The following ETV6 variants were observed in gnomAD, a reference collection of about 807,000 sequenced individuals.
ETV6 encodes ETS variant transcription factor 6.
Under a neutral mutation model 51.1 loss-of-function variants are expected in ETV6, and 16 were observed. That is an observed-to-expected ratio of 0.31 (90% CI 0.21 to 0.48). The LOEUF (loss-of-function observed/expected upper bound fraction) is 0.48, where lower values mean the gene tolerates loss of function less well. Ranked by LOEUF, ETV6 falls within the 20% of genes least tolerant of loss-of-function variation. The pLI is 0.99. For missense variants in ETV6, 458 were observed against 594.8 expected (o/e 0.77, Z 2.39); for synonymous variants, 240 against 224.1 (o/e 1.07, Z -0.64).
At chr12:11,791,385 T>C (rs1036826294) in intron 2 of ETV6, among the ~76,000 whole-genome samples, 2 of 152,212 alleles carry the variant, frequency 1.3e-5, no homozygotes, top group Admixed American at 6.5e-5. Context: ...CATAGGGATG[T>C]TGTCCAAAAT....
At chr12:11,666,543 T>G (rs746996860) in intron 1 of ETV6, among the ~76,000 whole-genome samples, 1 of 152,198 alleles carries the variant, frequency 6.6e-6, no homozygotes, top group East Asian at 1.9e-4. Flanking sequence ...TGAATCTGAT[T>G]AAGTGTGATC....
intron 1 of ETV6, among the ~76,000 whole-genome samples, chr12:11,703,392 T>G (rs1031349085): frequency 1.3e-5 from 2 of 152,118 alleles, no homozygotes; most frequent in African/African-American, 4.8e-5. Flanking sequence ...TAAAAATAAT[T>G]TAAGATTTGG....
chr12:11,760,107 G>A (rs1193490362), intron 2 of ETV6, among the ~76,000 whole-genome samples: 1 of 152,346 alleles, frequency 6.6e-6, no homozygotes, highest in African/African-American at 2.4e-5. Flanking sequence ...TTCTGAAGGA[G>A]GGGTAGAGCA....
intron 2 of ETV6, among the ~76,000 whole-genome samples, chr12:11,798,378 T>A (rs1452616039): frequency 6.6e-6 from 1 of 152,182 alleles, no homozygotes; most frequent in Non-Finnish European, 1.5e-5. Flanking sequence ...AAAGACCAGT[T>A]ACAAGGGAAA....
intron 1 of ETV6, among the ~76,000 whole-genome samples, chr12:11,721,100 G>C (rs1349609030): frequency 1.3e-5 from 2 of 152,178 alleles, no homozygotes; most frequent in Admixed American, 1.3e-4. Flanking sequence ...AAAAGGGAAT[G>C]CTTATACACC....
rs186921569 is a variant in ETV6 at position 11,696,768 on chromosome 12, A to G, written c.33+46608A>G. 2.0e-5 allele frequency among the ~76,000 whole-genome samples: 3 copies of G among 152,310 alleles called. No homozygotes were observed. In the East Asian group the frequency reaches 5.8e-4, roughly 29 times the overall value. ...GAGATGGAGGTTGCAGTGAGCTGAG[A>G]TCATGCCACTGCACTTTAGCCTGGG... On this transcript the variant is annotated intron_variant, in intron 1 of 7. Transcript: ENST00000396373.
chr12:11,665,048 C>T (rs1358494510), intron 1 of ETV6, among the ~76,000 whole-genome samples: 3 of 152,190 alleles, frequency 2.0e-5, no homozygotes, highest in Non-Finnish European at 2.9e-5. Context: ...GACATGGTCT[C>T]GCTCTGTGGC....
chr12:11,710,198 T>G (rs975407621), intron 1 of ETV6, among the ~76,000 whole-genome samples: 1 of 152,120 alleles, frequency 6.6e-6, no homozygotes, highest in Non-Finnish European at 1.5e-5. Flanking sequence ...CTTTTAGTAT[T>G]CTGTCCCCTC....
At chr12:11,789,313 T>C (rs2136382721) in intron 2 of ETV6, among the ~76,000 whole-genome samples, 1 of 152,206 alleles carries the variant, frequency 6.6e-6, no homozygotes, top group East Asian at 1.9e-4. Context: ...ATTACAGGGG[T>C]GAGCCACGAT....
At chr12:11,804,435 T>G (rs1401586872) in intron 2 of ETV6, among the ~76,000 whole-genome samples, 1 of 152,228 alleles carries the variant, frequency 6.6e-6, no homozygotes, top group Admixed American at 6.5e-5. Flanking sequence ...CTCCATCACC[T>G]TGTGTTCTGC....
At chr12:11,871,220 A>C (rs1591737333) in intron 5 of ETV6, among the ~76,000 whole-genome samples, 11 of 120,788 alleles carry the variant, frequency 9.1e-5, no homozygotes, top group South Asian at 5.1e-4. Flanking sequence ...TTTTTTCCAC[A>C]CTCTGTTGCC....
chr12:11,708,937 A>G (rs1475217348), intron 1 of ETV6, among the ~76,000 whole-genome samples: 1 of 152,224 alleles, frequency 6.6e-6, no homozygotes, highest in Non-Finnish European at 1.5e-5. Flanking sequence ...GTCTAAGCAC[A>G]TGAAAAGTTA....
intron 3 of ETV6, among the ~76,000 whole-genome samples, chr12:11,847,583 A>G (rs1233430362): frequency 2.0e-5 from 3 of 152,178 alleles, no homozygotes; most frequent in Non-Finnish European, 2.9e-5. Flanking sequence ...ATTCTAAGAG[A>G]AGGGAAGTAG....
At chr12:11,676,194 C>T (rs1307587534) in intron 1 of ETV6, among the ~76,000 whole-genome samples, 1 of 152,188 alleles carries the variant, frequency 6.6e-6, no homozygotes, top group African/African-American at 2.4e-5. Context: ...AGCGAGGCAA[C>T]GTGACAGAGC....
intron 2 of ETV6, among the ~76,000 whole-genome samples, chr12:11,758,671 C>T (rs1454008999): frequency 6.6e-6 from 1 of 152,166 alleles, no homozygotes; most frequent in Non-Finnish European, 1.5e-5. Context: ...TCTTCTAATA[C>T]CTATCAAGTC....
In ETV6 at chr12:11,788,756, G is replaced by T. The variant is rs201227893; in HGVS notation, c.163+36177G>T. 8.8e-3 allele frequency among the ~76,000 whole-genome samples: 904 copies of T among 102,296 alleles called. 6 individuals carry two copies. The highest frequency in any genetic ancestry group is 0.033 in the East Asian group (80 of 2,458). 67.1% of individuals were successfully genotyped at this position (102,296 alleles called of 152,430 possible). ...ATTCTTAAATCACGTGCTTGTATTG[G>T]TTTTTTTTTTTTTTTTTCATTTCTA... On this transcript the variant is annotated intron_variant, in intron 2 of 7. Coordinates refer to ENST00000396373, the MANE Select transcript of ETV6 (RefSeq NM_001987.5).
Position 11,842,407 on chromosome 12 carries a change from TACACACACACACAC to T in ETV6, c.328+3123_328+3136del, listed in dbSNP as rs6144615. Reference sequence around the variant, plus strand: ...CCTCTGTCATGGCCCTTGACACAGATACACACACACACACACACACACACACACACACAGTGTTA... The same window carrying T: ...CCTCTGTCATGGCCCTTGACACAGATACACACACACACACACACAGTGTTA... On this transcript the variant is annotated intron_variant, in intron 3 of 7. Transcript: ENST00000396373. Among the ~76,000 whole-genome samples the T allele has an allele frequency of 1.5e-3, 218 of 147,952 alleles. 1 individual carries two copies. In the South Asian group the frequency reaches 0.023, roughly 15 times the overall value.
intron 3 of ETV6, among the ~76,000 whole-genome samples, chr12:11,853,169 G>A (rs377254871): frequency 9.8e-5 from 15 of 152,296 alleles, no homozygotes; most frequent in African/African-American, 3.1e-4. Flanking sequence ...CACTGGCAAC[G>A]GAGCGCAACC....
intron 7 of ETV6, among the ~76,000 whole-genome samples, chr12:11,888,646 G>A (rs563005135): frequency 1.2e-4 from 19 of 152,112 alleles, no homozygotes; most frequent in African/African-American, 4.6e-4. Flanking sequence ...CAAGTGATCT[G>A]CCCACCTTGG....
Sources: gnomAD v4.1 joint callset for allele counts (sites outside exome capture counted in the v4.1 genomes callset) on GRCh38, gnomAD v4.1.1 for gene constraint, MANE v1.5 for transcripts, NCBI Gene and HGNC (gene_info 2026-07-23, HGNC 2026-07-21) for gene names.